Variants in NRG3 observed in about 807,000 individuals in gnomAD.
NRG3 encodes pro-neuregulin-3, membrane-bound isoform.
Under a neutral mutation model 66.9 loss-of-function variants are expected in NRG3, and 31 were observed. That is an observed-to-expected ratio of 0.46 (90% confidence interval 0.35 to 0.63). The LOEUF (loss-of-function observed/expected upper bound fraction) is 0.63. NRG3 is among the 20% of genes least tolerant of loss of function. The probability of loss-of-function intolerance (pLI) is 0.00; values close to 1 mark genes in which losing one functional copy is unlikely to be tolerated. For missense variants in NRG3, 910 were observed against 878.9 expected, an observed-to-expected ratio of 1.04 and a Z score of -0.45; for synonymous variants, 393 against 359.4, an observed-to-expected ratio of 1.09 and a Z score of -1.06.
At chr10:82,967,256 C>T (rs1012289837) in intron 6 of NRG3, among the ~76,000 whole-genome samples, 2 of 151,182 alleles carry the variant, frequency 1.3e-5, no homozygotes, top group African/African-American at 4.9e-5. Flanking sequence ...TGCATATAGA[C>T]TAACACATAT....
chr10:81,889,613 T>A (rs1379089260), intron 1 of NRG3: 4 of 152,220 alleles, frequency 2.6e-5, no homozygotes, highest in Non-Finnish European at 5.9e-5. Context: ...AGAGCAAATG[T>A]TAAATTAGTA....
chr10:82,687,723 TG>T (rs896142399), intron 2 of NRG3, among the ~76,000 whole-genome samples: 2 of 151,772 alleles, frequency 1.3e-5, no homozygotes, highest in African/African-American at 4.8e-5. Flanking sequence ...TGTAATATGG[TG>T]GGGGGAGGGG....
intron 1 of NRG3, among the ~76,000 whole-genome samples, chr10:82,306,539 A>G (rs2080737590): frequency 6.6e-6 from 1 of 151,628 alleles, no homozygotes; most frequent in Non-Finnish European, 1.5e-5. Context: ...CGTCTCTACT[A>G]AAAATACAAA....
At chr10:82,853,199 G>T (rs116908372) in intron 3 of NRG3, among the ~76,000 whole-genome samples, 3 of 152,176 alleles carry the variant, frequency 2.0e-5, no homozygotes, top group African/African-American at 2.4e-5. Context: ...AAATTATGGC[G>T]CCAAAGATGG....
chr10:82,646,540 A>G (rs2050944785), intron 2 of NRG3, among the ~76,000 whole-genome samples: 1 of 152,190 alleles, frequency 6.6e-6, no homozygotes, highest in Non-Finnish European at 1.5e-5. Flanking sequence ...TTAACTTCCC[A>G]TTACAGTAAA....
chr10:82,659,648 T>A (rs1331070809), intron 2 of NRG3, among the ~76,000 whole-genome samples: 1 of 151,740 alleles, frequency 6.6e-6, no homozygotes, highest in Non-Finnish European at 1.5e-5. Flanking sequence ...CGAGACTCCG[T>A]CTCCAGCAAA....
intron 3 of NRG3, among the ~76,000 whole-genome samples, chr10:82,784,732 T>C (rs1250781967): frequency 2.0e-5 from 3 of 151,780 alleles, no homozygotes. Context: ...TATGGAGAAA[T>C]AGGAACACTT....
intron 1 of NRG3, among the ~76,000 whole-genome samples, chr10:82,275,649 A>G (rs1042078181): frequency 2.0e-5 from 3 of 151,898 alleles, no homozygotes; most frequent in African/African-American, 7.2e-5. Flanking sequence ...TGATTTCCCT[A>G]TTGTTTGGAG....
rs571210340 is a variant in NRG3, at chr10:81,998,792, T to C, written c.823+122629T>C. The stretch of plus-strand genomic sequence containing the variant: ...TATATCTTAAGTAGGGCTTCCCTTT[T>C]ACCTGTAAACATCCTCACTTTTTAA... On this transcript the variant is annotated intron_variant, in intron 1 of 8. Transcript: ENST00000372141. 2.0e-5 allele frequency among the ~76,000 whole-genome samples: 3 copies of C among 152,330 alleles called. No homozygotes were observed. The South Asian group carries it at 6.2e-4, about 32-fold the overall frequency.
At chr10:81,905,159 C>T (rs1008206364) in intron 1 of NRG3, among the ~76,000 whole-genome samples, 1 of 152,168 alleles carries the variant, frequency 6.6e-6, no homozygotes, top group Non-Finnish European at 1.5e-5. Flanking sequence ...GTTCATGAGT[C>T]CACATTTGCC....
chr10:82,725,617 A>G (rs1165468419), intron 2 of NRG3, among the ~76,000 whole-genome samples: 1 of 152,186 alleles, frequency 6.6e-6, no homozygotes, highest in African/African-American at 2.4e-5. Context: ...GTATTCCAAC[A>G]TAGGTAAAAT....
chr10:82,722,331 A>T (rs968838997), intron 2 of NRG3, among the ~76,000 whole-genome samples: 1 of 152,294 alleles, frequency 6.6e-6, no homozygotes. Context: ...TTTAATTTGA[A>T]TATTATATTT....
intron 1 of NRG3, among the ~76,000 whole-genome samples, chr10:82,155,204 CG>C (rs2071097647): frequency 1.3e-5 from 2 of 151,742 alleles, no homozygotes; most frequent in Admixed American, 6.6e-5. Context: ...AATCAGAGCA[CG>C]TTTTCACCTG....
intron 1 of NRG3, among the ~76,000 whole-genome samples, chr10:82,254,183 T>C (rs2134129847): frequency 6.6e-6 from 1 of 152,346 alleles, no homozygotes; most frequent in African/African-American, 2.4e-5. Context: ...GGAAATCAGA[T>C]TGTAAGATTA....
At chr10:82,854,118 G>A (rs187451136) in intron 3 of NRG3, among the ~76,000 whole-genome samples, 1 of 152,306 alleles carries the variant, frequency 6.6e-6, no homozygotes, top group African/African-American at 2.4e-5. Context: ...GAAAATCACA[G>A]TTCACCTAAT....
At position 81,876,065 on chromosome 10, in the gene NRG3, G is replaced by C. The variant is rs1481554656; in HGVS notation, c.725G>C (p.Trp242Ser). 1 of 1,613,664 alleles carries C rather than the reference G, an allele frequency of 6.2e-7. No individual in the cohort carries two copies. Among genetic ancestry groups the C allele is most frequent in the Non-Finnish European group, 8.5e-7 (1 of 1,180,004 alleles). ...SSYLHDSTPS[W>S]TLSPFQDAAS... ...TACCTTCACGATTCTACTCCCTCCT[G>C]GACCCTGTCTCCCTTTCAGGATGCT... Residue 242 changes from tryptophan to serine, a missense_variant, in exon 1 of 9, where the codon TGG becomes TCG. Transcript: ENST00000372141.
chr10:82,810,931 G>T (rs2061468035), intron 3 of NRG3, among the ~76,000 whole-genome samples: 1 of 152,026 alleles, frequency 6.6e-6, no homozygotes, highest in African/African-American at 2.4e-5. Context: ...AAATTCTTAT[G>T]AATTTTCAGA....
chr10:82,349,715 A>C (rs1385749702), intron 1 of NRG3, among the ~76,000 whole-genome samples: 1 of 151,998 alleles, frequency 6.6e-6, no homozygotes, highest in Non-Finnish European at 1.5e-5. Flanking sequence ...GCAATCAGGG[A>C]GACTCCGTGG....
chr10:82,564,792 G>A (rs565063649), intron 2 of NRG3, among the ~76,000 whole-genome samples: 22 of 152,006 alleles, frequency 1.4e-4, no homozygotes, highest in African/African-American at 2.4e-4. Flanking sequence ...TTTCTTTGTC[G>A]TGAGATGACA....
Sources: gnomAD v4.1 joint callset for allele counts (sites outside exome capture counted in the v4.1 genomes callset) on GRCh38, gnomAD v4.1.1 for gene constraint, MANE v1.5 for transcripts, NCBI Gene and HGNC (gene_info 2026-07-23, HGNC 2026-07-21) for gene names.